TMEM150B: variants seen among roughly 807,000 people sequenced by gnomAD.
The protein encoded by TMEM150B is transmembrane protein 150B, also known as modulator of macroautophagy TMEM150B.
In TMEM150B, 33 loss-of-function variants were observed where a neutral mutation model predicts 25.2. That is an observed-to-expected ratio of 1.31 (90% confidence interval 0.99 to 1.75). The LOEUF (loss-of-function observed/expected upper bound fraction) is 1.75, where lower values mean the gene tolerates loss of function less well. TMEM150B is among the 40% of genes most tolerant of loss of function. TMEM150B has a pLI of 0.00. For missense variants in TMEM150B, 322 were observed against 306.1 expected (o/e 1.05, Z -0.39); for synonymous variants, 133 against 134.8 (o/e 0.99, Z 0.09).
chr19:55,312,576 AAT>A, downstream of TMEM150B: 1 of 362,608 alleles, frequency 2.8e-6, no homozygotes, highest in Non-Finnish European at 4.9e-6. Flanking sequence ...AATAATAATA[AAT>A]AGCCTTGATC....
At chr19:55,312,731 T>C, downstream of TMEM150B, 1 of 1,081,694 alleles carries the variant, frequency 9.2e-7, no homozygotes, top group Non-Finnish European at 1.3e-6. Context: ...CGGCTCCAGG[T>C]CAGTCAGCGG....
downstream of TMEM150B, chr19:55,311,930 G>A (rs1288630587): frequency 5.0e-6 from 8 of 1,611,502 alleles, no homozygotes; most frequent in African/African-American, 9.4e-5. Flanking sequence ...ACGGGGCCCA[G>A]ACCCGGCCTG....
At position 55,312,916 on chromosome 19, in the gene TMEM150B, C is replaced by T. The variant is rs372795508; in HGVS notation, c.645G>A (p.Pro215=). The change falls in exon 8 of 8, where the codon CCG becomes CCA. Residue 215 remains proline (P), a synonymous_variant. Coordinates refer to ENST00000326652, the MANE Select transcript of TMEM150B (RefSeq NM_001282011.2). Reference sequence around the variant, plus strand: ...CCGGCGGGGGGCTGAGGCTGGGCCACGGCTGAACACACAGGGTGCAGCTCT... The same window carrying T: ...CCGGCGGGGGGCTGAGGCTGGGCCATGGCTGAACACACAGGGTGCAGCTCT... The part of the protein sequence containing the change: ...ALESCTLCVQ[P]WPSLSPPPAS... The T allele has an allele frequency of 1.7e-5, 28 of 1,608,376 alleles. No homozygotes were observed. The highest frequency in any genetic ancestry group is 9.4e-5 in the African/African-American group (7 of 74,778).
At chr19:55,312,279 TATTG>T (rs894393636), downstream of TMEM150B, 26 of 364,556 alleles carry the variant, frequency 7.1e-5, no homozygotes, top group Admixed American at 1.8e-4. Context: ...CTATTTTATT[TATTG>T]ATTAATTTAT....
rs2088854509 is a variant in TMEM150B, at chr19:55,313,001, AC to A, written c.559del (p.Val187SerfsTer13). ...LRSVSAACEW[V>X]VAMLLFALFG... ...GAGCGCGAACAGCAGCATGGCCACG[AC>A]CCACTCGCAGGCCGCAGAGACGCTA... On this transcript the variant is annotated frameshift_variant, in exon 8 of 8. Coordinates refer to ENST00000326652, the MANE Select transcript of TMEM150B (RefSeq NM_001282011.2). LOFTEE classifies it low-confidence loss of function (END_TRUNC). 2 of 1,613,448 alleles carry A rather than the reference AC, an allele frequency of 1.2e-6. No homozygotes were observed. The highest frequency in any genetic ancestry group is 1.7e-6 in the Non-Finnish European group (2 of 1,179,844).
chr19:55,315,696 G>A (rs1345612502), intron 7 of TMEM150B, among the ~76,000 whole-genome samples: 1 of 151,614 alleles, frequency 6.6e-6, no homozygotes, highest in Admixed American at 6.6e-5. Flanking sequence ...GGGAGGCGGA[G>A]CTTACAGTGA....
Position 55,316,818 on chromosome 19 carries a change from A to C in TMEM150B, c.473T>G (p.Leu158Arg). The change falls in exon 7 of 8, where the codon CTC becomes CGC. Residue 158 changes from leucine (L) to arginine (R), a missense_variant. Coordinates refer to ENST00000326652, the MANE Select transcript of TMEM150B (RefSeq NM_001282011.2). ...AATGAGGATGGTGCAGACGCTGCAG[A>C]GGCCCAGGCGGAGGGGCCCAATCCA... is the stretch of plus-strand genomic sequence containing the variant. ...AAWIGPLRLGLCSVCTILIVA... is the reference protein window; with the variant it reads ...AAWIGPLRLGRCSVCTILIVA... 6.4e-7 allele frequency: 1 copy of C among 1,567,660 alleles called. No individual in the cohort carries two copies. Among genetic ancestry groups the C allele is most frequent in the Non-Finnish European group, 8.6e-7 (1 of 1,163,762 alleles).
chr19:55,324,422 G>A (rs34546357), intron 1 of TMEM150B, among the ~76,000 whole-genome samples: 43,258 of 151,322 alleles, frequency 0.29, 8,288 homozygotes, highest in African/African-American at 0.56. Flanking sequence ...GGCCGAGGTG[G>A]GCAGATCATG....
chr19:55,324,143 G>C (rs2089276841), intron 1 of TMEM150B, among the ~76,000 whole-genome samples: 1 of 151,898 alleles, frequency 6.6e-6, no homozygotes, highest in Non-Finnish European at 1.5e-5. Context: ...TAATGTTTTT[G>C]AGATTCATCC....
chr19:55,309,906 G>A (rs767018876), downstream of TMEM150B, among the ~76,000 whole-genome samples: 8 of 152,154 alleles, frequency 5.3e-5, no homozygotes, highest in Admixed American at 6.6e-5. Context: ...GTGGACAGCC[G>A]TCTGCTCTGA....
downstream of TMEM150B, chr19:55,312,533 CAAAAAAAAAAAAAAA>C (rs372052269): frequency 5.4e-4 from 14 of 25,744 alleles, no homozygotes; most frequent in South Asian, 2.8e-3. Flanking sequence ...CCGCCGGCGG[CAAAAAAAAAAAAAAA>C]AAAAAAAAAA....
chr19:55,317,784 G>A (rs1379380490), intron 6 of TMEM150B, among the ~76,000 whole-genome samples: 2 of 142,362 alleles, frequency 1.4e-5, no homozygotes, highest in African/African-American at 2.6e-5. Flanking sequence ...TCCATCTCAA[G>A]AAAAAAAAAA....
intron 3 of TMEM150B, 98 bp from the exon 4 acceptor site, chr19:55,320,715 C>T: frequency 7.0e-7 from 1 of 1,438,052 alleles, no homozygotes; most frequent in Non-Finnish European, 9.7e-7. Context: ...CACCCTCAGA[C>T]CAGGAGTCCA....
At chr19:55,309,853 G>T (rs559060616), downstream of TMEM150B, among the ~76,000 whole-genome samples, 14 of 152,340 alleles carry the variant, frequency 9.2e-5, no homozygotes, top group South Asian at 2.7e-3. Context: ...CGGGGTCACA[G>T]GGGACACAGT....
chr19:55,314,060 G>T (rs2088909358), intron 7 of TMEM150B, among the ~76,000 whole-genome samples: 4 of 152,098 alleles, frequency 2.6e-5, no homozygotes, highest in Admixed American at 2.6e-4. Context: ...CTCACTCTGT[G>T]TCCCAGGCTG....
intron 7 of TMEM150B, 73 bp from the exon 8 acceptor site, chr19:55,313,128 C>T (rs1329509873): frequency 4.8e-6 from 7 of 1,471,768 alleles, no homozygotes; most frequent in Non-Finnish European, 6.4e-6. Context: ...TGCCGCCTCG[C>T]GCTGGGCGGA....
chr19:55,320,037 A>T lies in TMEM150B; in HGVS notation c.324+2T>A. ...AGACCCTGGGCGCCGACTGGGTCTC[A>T]CCTGGAAATTGCCTACCACGGAGGT... On this transcript the variant is annotated splice_donor_variant, in intron 6 of 7. Coordinates refer to ENST00000326652, the MANE Select transcript of TMEM150B (RefSeq NM_001282011.2). LOFTEE classifies it high-confidence loss of function. 2 of 1,614,064 alleles carry T rather than the reference A, an allele frequency of 1.2e-6. No homozygotes were observed. The highest frequency in any genetic ancestry group is 1.7e-6 in the Non-Finnish European group (2 of 1,179,992).
chr19:55,315,617 T>C (rs1227704059), intron 7 of TMEM150B, among the ~76,000 whole-genome samples: 1 of 151,742 alleles, frequency 6.6e-6, no homozygotes, highest in African/African-American at 2.4e-5. Flanking sequence ...AAAAATTAGT[T>C]GGGCATGGTG....
chr19:55,311,804 G>A (rs568687535), downstream of TMEM150B: 42 of 1,189,204 alleles, frequency 3.5e-5, no homozygotes, highest in East Asian at 2.1e-4. Context: ...CTAGAGCCTC[G>A]GGGTTACTGA....
Sources: allele counts gnomAD v4.1 joint callset (sites outside exome capture counted in the v4.1 genomes callset), GRCh38; gene constraint gnomAD v4.1.1; transcripts MANE v1.5; gene names NCBI Gene and HGNC (gene_info 2026-07-23, HGNC 2026-07-21).